Variants in CFTR observed in about 807,000 individuals in gnomAD.
CFTR encodes cystic fibrosis transmembrane conductance regulator.
CFTR carries 181 observed loss-of-function variants against 171.6 expected under a neutral mutation model. The observed-to-expected ratio is 1.05, with a 90% confidence interval of 0.93 to 1.19. CFTR has a LOEUF of 1.19. CFTR is among the 50% of genes most tolerant of loss of function. The pLI, the probability that CFTR is intolerant of heterozygous loss-of-function variation, is 0.00. For synonymous variants in CFTR, 583 were observed against 608.0 expected (o/e 0.96, Z 0.60); for missense variants, 1,968 against 1,734.7 (o/e 1.13, Z -2.39).
chr7:117,649,664 G>A (rs541721636), intron 23 of CFTR, among the ~76,000 whole-genome samples: 41 of 151,744 alleles, frequency 2.7e-4, no homozygotes, highest in African/African-American at 8.9e-4. Flanking sequence ...ATTTATTCAG[G>A]AAGAATTTAT....
At chr7:117,648,003 AGTGTGTGT>A (rs754535471) in intron 23 of CFTR, among the ~76,000 whole-genome samples, 4 of 145,832 alleles carry the variant, frequency 2.7e-5, no homozygotes, top group Non-Finnish European at 4.5e-5. Context: ...CTATACACGG[AGTGTGTGT>A]GTGTGTGTGT....
At chr7:117,588,484 A>T (rs560335237) in intron 12 of CFTR, among the ~76,000 whole-genome samples, 22 of 152,084 alleles carry the variant, frequency 1.4e-4, no homozygotes, top group Non-Finnish European at 2.9e-4. Flanking sequence ...GGTGACTCTG[A>T]TGTCAAATGT....
At chr7:117,529,695 A>G (rs1435887761) in intron 3 of CFTR, among the ~76,000 whole-genome samples, 1 of 152,116 alleles carries the variant, frequency 6.6e-6, no homozygotes, top group East Asian at 1.9e-4. Context: ...TGTAGAAAGC[A>G]TGGTCATCTA....
chr7:117,593,267 T>G (rs1161406450), intron 14 of CFTR, among the ~76,000 whole-genome samples: 1 of 152,168 alleles, frequency 6.6e-6, no homozygotes. Context: ...TTTTGTTCTA[T>G]TAGGTTTTAA....
chr7:117,504,473 G>A, intron 2 of CFTR, 110 bp downstream of exon 2: 4 of 700,716 alleles, frequency 5.7e-6, no homozygotes, highest in South Asian at 1.6e-5. Flanking sequence ...AAAAATAGGA[G>A]CCAAGTATGG....
chr7:117,512,654 A>G (rs1798537684), intron 3 of CFTR, among the ~76,000 whole-genome samples: 2 of 141,572 alleles, frequency 1.4e-5, no homozygotes, highest in Non-Finnish European at 3.0e-5. Flanking sequence ...AAAAAAAAAA[A>G]GACTCCTAGC....
intron 1 of CFTR, among the ~76,000 whole-genome samples, chr7:117,485,414 T>C (rs1366292169): frequency 6.6e-6 from 1 of 152,194 alleles, no homozygotes; most frequent in African/African-American, 2.4e-5. Flanking sequence ...TCAAGTTGTT[T>C]GGAGATCTTG....
At chr7:117,517,615 T>C (rs907705096) in intron 3 of CFTR, among the ~76,000 whole-genome samples, 1 of 152,122 alleles carries the variant, frequency 6.6e-6, no homozygotes, top group Non-Finnish European at 1.5e-5. Flanking sequence ...GGTTCTAGAT[T>C]CTTGAGGAAT....
At chr7:117,598,382 A>T (rs1190966332) in intron 15 of CFTR, among the ~76,000 whole-genome samples, 1 of 152,186 alleles carries the variant, frequency 6.6e-6, no homozygotes, top group East Asian at 1.9e-4. Context: ...CTCCTAAGGA[A>T]GTATAAATTT....
At chr7:117,570,510 A>G (rs1265455641) in intron 11 of CFTR, among the ~76,000 whole-genome samples, 1 of 152,168 alleles carries the variant, frequency 6.6e-6, no homozygotes, top group Non-Finnish European at 1.5e-5. Flanking sequence ...GATAATGAAA[A>G]TGTTGTGGTT....
chr7:117,535,338 T>C lies in CFTR; in HGVS notation c.670T>C (p.Phe224Leu). ...LIWELLQASA[F>L]CGLGFLIVLA... ...CTGGGAGTTGTTACAGGCGTCTGCC[T>C]TCTGTGGACTTGGTTTCCTGATAGT... Residue 224 changes from phenylalanine to leucine, a missense_variant, in exon 6 of 27, where the codon TTC (phenylalanine) becomes CTC (leucine). Transcript: ENST00000003084. The C allele has an allele frequency of 3.7e-6, 6 of 1,614,154 alleles. No homozygotes were observed. The highest frequency in any genetic ancestry group is 4.2e-6 in the Non-Finnish European group (5 of 1,180,026).
intron 10 of CFTR, among the ~76,000 whole-genome samples, chr7:117,556,248 A>T (rs1799352066): frequency 6.6e-6 from 1 of 151,832 alleles, no homozygotes; most frequent in Non-Finnish European, 1.5e-5. Context: ...TATTTTTAGT[A>T]GAGACGGGGT....
chr7:117,590,572 T>C (rs886508342), intron 13 of CFTR, 133 bp downstream of exon 13: 11 of 1,154,992 alleles, frequency 9.5e-6, no homozygotes, highest in Non-Finnish European at 1.3e-5. Flanking sequence ...TGTAGCATGG[T>C]ATTAACTCAA....
chr7:117,492,364 G>C (rs1234104399), intron 1 of CFTR, among the ~76,000 whole-genome samples: 1 of 150,356 alleles, frequency 6.7e-6, no homozygotes, highest in Admixed American at 6.6e-5. Context: ...TTTTTTTTTG[G>C]CTTTTAATAT....
At chr7:117,521,634 A>G (rs1270319379) in intron 3 of CFTR, among the ~76,000 whole-genome samples, 6 of 152,154 alleles carry the variant, frequency 3.9e-5, no homozygotes, top group Admixed American at 3.3e-4. Context: ...AGTACTGTAT[A>G]TTTAAAAGAA....
At chr7:117,640,876 C>T (rs533236258) in intron 22 of CFTR, among the ~76,000 whole-genome samples, 14 of 152,130 alleles carry the variant, frequency 9.2e-5, no homozygotes, top group Non-Finnish European at 1.9e-4. Flanking sequence ...TCTGGCTATC[C>T]CTTAGTCAAT....
At chr7:117,611,951 G>T in intron 20 of CFTR, 143 bp downstream of exon 20, 1 of 544,934 alleles carries the variant, frequency 1.8e-6, no homozygotes. Flanking sequence ...TTGAACAAGT[G>T]ATTTCTTTGA....
chr7:117,606,543 C>G (rs1792302678), intron 17 of CFTR, 131 bp from the exon 18 acceptor site: 1 of 655,610 alleles, frequency 1.5e-6, no homozygotes, highest in African/African-American at 1.8e-5. Context: ...CTAAGTCTAT[C>G]TGATTCTATT....
intron 11 of CFTR, among the ~76,000 whole-genome samples, chr7:117,584,237 C>A (rs1348005082): frequency 6.6e-6 from 1 of 151,956 alleles, no homozygotes; most frequent in Non-Finnish European, 1.5e-5. Flanking sequence ...TAGTCATGAA[C>A]TTTTTACCTA....
Sources: allele counts gnomAD v4.1 joint callset (sites outside exome capture counted in the v4.1 genomes callset), GRCh38; gene constraint gnomAD v4.1.1; transcripts MANE v1.5; gene names NCBI Gene and HGNC (gene_info 2026-07-23, HGNC 2026-07-21).